ZNF131: variants seen among roughly 807,000 people sequenced by gnomAD.
The protein encoded by ZNF131 is zinc finger protein 131.
A neutral mutation model predicts 60.0 loss-of-function variants in ZNF131; 7 were observed. The ratio of observed to expected loss-of-function variants is 0.12; its 90% CI spans 0.07 to 0.22. The LOEUF is 0.22. Among genes scored for constraint, ZNF131 ranks in the 10% least tolerant of loss-of-function variants. The pLI, the probability that ZNF131 is intolerant of heterozygous loss-of-function variation, is 1.00. For synonymous variants in ZNF131, 257 were observed against 253.2 expected, an observed-to-expected ratio of 1.01 and a Z score of -0.14; for missense variants, 493 against 740.9, an observed-to-expected ratio of 0.67 and a Z score of 3.88.
chr5:43,173,522 C>G, intron 6 of ZNF131, 74 bp downstream of exon 6: 1 of 1,534,206 alleles, frequency 6.5e-7, no homozygotes, highest in East Asian at 2.3e-5. Flanking sequence ...CAAAGGGAAA[C>G]AGAGTCTCAA....
At chr5:43,146,138 G>T (rs1354754435) in intron 4 of ZNF131, among the ~76,000 whole-genome samples, 1 of 152,166 alleles carries the variant, frequency 6.6e-6, no homozygotes, top group Non-Finnish European at 1.5e-5. Context: ...TAAGGCAACT[G>T]TATAACTATT....
Position 43,160,678 on chromosome 5 carries a change from CTTT to C in ZNF131, c.372-551_372-549del, listed in dbSNP as rs71608692. On this transcript the variant is annotated intron_variant, in intron 4 of 6. Transcript: ENST00000682664. The stretch of plus-strand genomic sequence containing the variant: ...TCACTGTTAAATGATTAGCTTGGAA[CTTT>C]TTTTTTTTTTTTTTTTTTTGAGACA... 1.7e-3 allele frequency among the ~76,000 whole-genome samples: 160 copies of C among 93,022 alleles called. No individual in the cohort carries two copies. The Middle Eastern group carries it at 0.022, about 13-fold the overall frequency. 61.0% of individuals were successfully genotyped at this position (93,022 alleles called of 152,430 possible).
At chr5:43,152,303 G>A (rs969210686) in intron 4 of ZNF131, among the ~76,000 whole-genome samples, 1 of 151,826 alleles carries the variant, frequency 6.6e-6, no homozygotes, top group Non-Finnish European at 1.5e-5. Flanking sequence ...ACTCCCAGCC[G>A]AGTCTGTCCT....
intron 4 of ZNF131, among the ~76,000 whole-genome samples, chr5:43,140,586 T>A (rs953747675): frequency 2.0e-5 from 3 of 152,248 alleles, no homozygotes; most frequent in African/African-American, 7.2e-5. Flanking sequence ...TCAATACAGA[T>A]CATTGGCCTG....
chr5:43,131,629 G>T (rs1185432807), intron 3 of ZNF131, among the ~76,000 whole-genome samples: 1 of 152,100 alleles, frequency 6.6e-6, no homozygotes, highest in African/African-American at 2.4e-5. Context: ...AATCCTAGTG[G>T]TATTAAGATT....
chr5:43,169,251 A>G (rs1561448214), intron 5 of ZNF131, among the ~76,000 whole-genome samples: 1 of 152,238 alleles, frequency 6.6e-6, no homozygotes, highest in Non-Finnish European at 1.5e-5. Context: ...ACAAATAAGA[A>G]AATGATGAAA....
At chr5:43,121,915 TCTTG>T (rs1359486974) in intron 1 of ZNF131, 120 bp from the exon 2 acceptor site, 1 of 1,114,254 alleles carries the variant, frequency 9.0e-7, no homozygotes, top group Non-Finnish European at 1.2e-6. Context: ...CTTTCTCTCC[TCTTG>T]CTTCACCCTC....
intron 4 of ZNF131, chr5:43,143,522 G>A (rs900006539): frequency 3.6e-5 from 25 of 686,384 alleles, no homozygotes; most frequent in Non-Finnish European, 4.6e-5. Context: ...GCCAGACATC[G>A]TTTCTTATTG....
chr5:43,123,146 G>A (rs547222615), intron 2 of ZNF131, 63 bp from the exon 3 acceptor site: 2 of 1,314,106 alleles, frequency 1.5e-6, no homozygotes, highest in Admixed American at 4.4e-5. Context: ...AGTCTATTTT[G>A]TAGTTATACA....
intron 5 of ZNF131, chr5:43,168,090 C>T: frequency 5.2e-6 from 2 of 382,030 alleles, no homozygotes; most frequent in South Asian, 4.0e-5. Flanking sequence ...GCCACCCATC[C>T]CATTCCCATG....
At position 43,161,971 on chromosome 5, in the gene ZNF131, A is replaced by G. The variant is rs761741942; in HGVS notation, c.1054+40A>G. The G allele has an allele frequency of 2.0e-5, 31 of 1,513,690 alleles. 1 individual carries two copies. The South Asian group carries it at 3.9e-4, about 19-fold the overall frequency. The allele number at this position is 1,513,690 out of a possible 1,614,324, so 93.8% of individuals were successfully genotyped here. A position where few individuals can be genotyped will look rare whatever the true frequency, so the allele number is the denominator to read the frequency against. ...CTTTGTTAAAATTTTTTTTTCCCAC[A>G]TGCACTTCAAATTTAAGTATCTAAA... On this transcript the variant is annotated intron_variant, in intron 5 of 6. Coordinates refer to ENST00000682664, the MANE Select transcript of ZNF131 (RefSeq NM_001330707.2).
chr5:43,173,990 G>A (rs187852540), intron 6 of ZNF131, among the ~76,000 whole-genome samples: 163 of 152,286 alleles, frequency 1.1e-3, no homozygotes, highest in Middle Eastern at 6.8e-3. Context: ...CACTTTGGGA[G>A]GCCGAGGCGG....
At chr5:43,134,083 T>A (rs1745704874) in intron 3 of ZNF131, among the ~76,000 whole-genome samples, 1 of 152,116 alleles carries the variant, frequency 6.6e-6, no homozygotes, top group South Asian at 2.1e-4. Flanking sequence ...AAAAGAAAAC[T>A]ATAGCCCAAT....
chr5:43,157,143 C>CT, intron 4 of ZNF131, among the ~76,000 whole-genome samples: 1 of 152,218 alleles, frequency 6.6e-6, no homozygotes, highest in African/African-American at 2.4e-5. Context: ...AAAGAGGGCC[C>CT]TTATAGAAGC....
intron 5 of ZNF131, among the ~76,000 whole-genome samples, chr5:43,168,563 G>A (rs1750627965): frequency 6.6e-6 from 1 of 152,140 alleles, no homozygotes. Context: ...TGAGAGATGA[G>A]TTTGAGATCA....
chr5:43,152,844 A>G (rs564569534), intron 4 of ZNF131, among the ~76,000 whole-genome samples: 1 of 152,190 alleles, frequency 6.6e-6, no homozygotes, highest in South Asian at 2.1e-4. Flanking sequence ...TCCCGGACTC[A>G]AGCGATCCTC....
intron 3 of ZNF131, among the ~76,000 whole-genome samples, chr5:43,137,367 T>C (rs1262492478): frequency 1.3e-5 from 2 of 152,182 alleles, no homozygotes; most frequent in Admixed American, 6.5e-5. Flanking sequence ...GTAAAAAATA[T>C]CTGCCCAATT....
chr5:43,164,022 T>A (rs552632873), intron 5 of ZNF131, among the ~76,000 whole-genome samples: 1 of 152,332 alleles, frequency 6.6e-6, no homozygotes, highest in African/African-American at 2.4e-5. Flanking sequence ...AGGCTCAGTA[T>A]GGATTTAAAA....
intron 5 of ZNF131, among the ~76,000 whole-genome samples, chr5:43,172,149 CACTGG>C (rs1490183794): frequency 6.6e-6 from 1 of 152,254 alleles, no homozygotes; most frequent in Admixed American, 6.5e-5. Flanking sequence ...CCAATTACAT[CACTGG>C]TTAAAGTCAT....
Sources: allele counts gnomAD v4.1 joint callset (sites outside exome capture counted in the v4.1 genomes callset), GRCh38; gene constraint gnomAD v4.1.1; transcripts MANE v1.5; gene names NCBI Gene and HGNC (gene_info 2026-07-23, HGNC 2026-07-21).